Variants in PDE7B observed in about 807,000 individuals in gnomAD.
The protein encoded by PDE7B is phosphodiesterase 7B.
Under a neutral mutation model 56.2 loss-of-function variants are expected in PDE7B, and 29 were observed. The ratio of observed to expected loss-of-function variants is 0.52; its 90% confidence interval spans 0.38 to 0.70. The LOEUF (loss-of-function observed/expected upper bound fraction) is 0.70. Ranked by LOEUF, PDE7B falls within the 30% of genes least tolerant of loss-of-function variation. PDE7B has a pLI of 0.00. For synonymous variants in PDE7B, 197 were observed against 196.9 expected, an observed-to-expected ratio of 1.00 and a Z score of 0.00; for missense variants, 490 against 565.0, an observed-to-expected ratio of 0.87 and a Z score of 1.35.
chr6:135,987,463 C>G (rs1775401257), intron 2 of PDE7B, among the ~76,000 whole-genome samples: 1 of 152,172 alleles, frequency 6.6e-6, no homozygotes, highest in Non-Finnish European at 1.5e-5. Context: ...GATGCAAACA[C>G]TGGCCTCGTG....
intron 3 of PDE7B, among the ~76,000 whole-genome samples, chr6:136,123,220 G>C (rs949107130): frequency 1.3e-5 from 2 of 152,160 alleles, no homozygotes; most frequent in Non-Finnish European, 2.9e-5. Context: ...AGCTGGGTGT[G>C]TGATGACGCG....
At chr6:136,177,315 A>C (rs1778993717) in intron 9 of PDE7B, among the ~76,000 whole-genome samples, 2 of 152,116 alleles carry the variant, frequency 1.3e-5, no homozygotes, top group African/African-American at 2.4e-5. Context: ...AAATTTAAAA[A>C]TAAAATTAAA....
intron 2 of PDE7B, among the ~76,000 whole-genome samples, chr6:135,952,286 T>C (rs962037665): frequency 6.6e-5 from 10 of 152,196 alleles, no homozygotes; most frequent in African/African-American, 2.4e-4. Context: ...ATGATACCAA[T>C]GGTGTTTAGA....
intron 8 of PDE7B, among the ~76,000 whole-genome samples, chr6:136,164,394 A>G (rs1382066377): frequency 3.9e-5 from 6 of 152,188 alleles, no homozygotes; most frequent in African/African-American, 1.4e-4. Context: ...TATAGGAACT[A>G]CAATTCAAGA....
chr6:136,155,662 T>G lies in PDE7B; in HGVS notation c.615T>G (p.Leu205=). 6.2e-7 allele frequency: 1 copy of G among 1,613,804 alleles called. No homozygotes were observed. Among genetic ancestry groups the G allele is most frequent in the Non-Finnish European group, 8.5e-7 (1 of 1,179,768 alleles). The change falls in exon 8 of 13, where the codon CTT becomes CTG. Residue 205 remains leucine, a synonymous_variant. Coordinates refer to ENST00000308191, the MANE Select transcript of PDE7B (RefSeq NM_018945.4). ...TCCTCACGCCTCTGGACATCATGCT[T>G]GGACTGCTGGCTGCAGCAGCACACG... The part of the protein sequence containing the change: ...ASFLTPLDIM[L]GLLAAAAHDV...
At chr6:135,902,279 A>G (rs975319207) in intron 1 of PDE7B, among the ~76,000 whole-genome samples, 2 of 152,066 alleles carry the variant, frequency 1.3e-5, no homozygotes, top group African/African-American at 2.4e-5. Context: ...AGTGACGTCA[A>G]TGGAAGCAGA....
intron 6 of PDE7B, 77 bp from the exon 7 acceptor site, chr6:136,153,998 G>A: frequency 1.1e-6 from 1 of 892,154 alleles, no homozygotes; most frequent in Non-Finnish European, 1.8e-6. Context: ...TAAGCAAAAA[G>A]CACCCACAGT....
intron 1 of PDE7B, among the ~76,000 whole-genome samples, chr6:135,913,592 G>A (rs1188819705): frequency 6.6e-6 from 1 of 151,952 alleles, no homozygotes; most frequent in African/African-American, 2.4e-5. Context: ...TAGGTACCTT[G>A]ATTCAAAAAG....
chr6:136,104,614 G>A (rs2128217539), intron 2 of PDE7B, among the ~76,000 whole-genome samples: 1 of 152,288 alleles, frequency 6.6e-6, no homozygotes, highest in East Asian at 1.9e-4. Flanking sequence ...TTCTATATTA[G>A]AAATATACCA....
At chr6:135,958,976 C>G (rs2128201112) in intron 2 of PDE7B, among the ~76,000 whole-genome samples, 2 of 152,272 alleles carry the variant, frequency 1.3e-5, no homozygotes, top group South Asian at 4.1e-4. Flanking sequence ...TTTTTGCCTA[C>G]TTCAAGGTAC....
At chr6:136,186,468 T>C (rs915878197) in intron 11 of PDE7B, among the ~76,000 whole-genome samples, 1 of 152,094 alleles carries the variant, frequency 6.6e-6, no homozygotes, top group Non-Finnish European at 1.5e-5. Flanking sequence ...TTTATACTTT[T>C]TTTCACCTTC....
At position 135,994,101 on chromosome 6, in the gene PDE7B, GTTC is replaced by G. The variant is rs1478378740; in HGVS notation, c.82+46580_82+46582del. Among the ~76,000 whole-genome samples, 3 of 147,848 alleles carry G rather than the reference GTTC, an allele frequency of 2.0e-5. No homozygotes were observed. The East Asian group carries it at 6.0e-4, about 30-fold the overall frequency. ...ATTATACTAAGAACTAAAGTTGCCTGTTCTTGTATTGGATCTGTGTGTGTGTGT... is the reference window on the plus strand; with the variant it reads ...ATTATACTAAGAACTAAAGTTGCCTGTTGTATTGGATCTGTGTGTGTGTGT... On this transcript the variant is annotated intron_variant, in intron 2 of 12. Transcript: ENST00000308191.
chr6:136,001,950 G>A (rs1775675081), intron 2 of PDE7B, among the ~76,000 whole-genome samples: 1 of 152,118 alleles, frequency 6.6e-6, no homozygotes, highest in African/African-American at 2.4e-5. Flanking sequence ...CAGCCAGAGA[G>A]AAAGGTCGGG....
intron 1 of PDE7B, among the ~76,000 whole-genome samples, chr6:135,887,553 CTT>C (rs1379889465): frequency 1.3e-5 from 2 of 152,082 alleles, no homozygotes; most frequent in Non-Finnish European, 2.9e-5. Context: ...TAAATATACA[CTT>C]AAGTTTGATA....
At chr6:136,038,603 G>A in intron 2 of PDE7B, 1 of 1,125,040 alleles carries the variant, frequency 8.9e-7, no homozygotes, top group Non-Finnish European at 1.1e-6. Flanking sequence ...TAGAGTCCAA[G>A]CCATAGGGAG....
chr6:135,894,140 T>C (rs986211396), intron 1 of PDE7B, among the ~76,000 whole-genome samples: 1 of 152,200 alleles, frequency 6.6e-6, no homozygotes, highest in African/African-American at 2.4e-5. Context: ...TTTAAATGTT[T>C]CTAGGTTAAA....
intron 2 of PDE7B, among the ~76,000 whole-genome samples, chr6:136,092,898 T>C (rs1026702773): frequency 2.6e-5 from 4 of 152,198 alleles, no homozygotes; most frequent in African/African-American, 4.8e-5. Flanking sequence ...TGAGGTACTG[T>C]ATACTTGAAT....
chr6:135,903,795 T>C lies in PDE7B; in HGVS notation c.22-43669T>C, dbSNP rs182849919. Among the ~76,000 whole-genome samples the C allele has an allele frequency of 4.6e-5, 7 of 152,316 alleles. No homozygotes were observed. The East Asian group carries it at 1.3e-3, about 29-fold the overall frequency. The stretch of plus-strand genomic sequence containing the variant: ...TTTTAGAGAAATTAATAGAAAACTT[T>C]TGCATGAACTTGCATAGCTTTTCAT... On this transcript the variant is annotated intron_variant, in intron 1 of 12. Coordinates refer to ENST00000308191, the MANE Select transcript of PDE7B (RefSeq NM_018945.4).
intron 2 of PDE7B, chr6:136,094,199 GC>G (rs1777436770): frequency 6.6e-6 from 1 of 152,266 alleles, no homozygotes; most frequent in Non-Finnish European, 1.5e-5. Flanking sequence ...GGAGGGCAGA[GC>G]CCTCAAGACT....
Sources: allele counts gnomAD v4.1 joint callset (sites outside exome capture counted in the v4.1 genomes callset), GRCh38; gene constraint gnomAD v4.1.1; transcripts MANE v1.5; gene names NCBI Gene and HGNC (gene_info 2026-07-23, HGNC 2026-07-21).